The following PARD3 variants were observed in gnomAD, a reference collection of about 807,000 sequenced individuals.
PARD3 encodes par-3 family cell polarity regulator.
A neutral mutation model predicts 155.4 loss-of-function variants in PARD3; 75 were observed. That is an observed-to-expected ratio of 0.48 (90% CI 0.40 to 0.58). PARD3 has a LOEUF of 0.58. Ranked by LOEUF, PARD3 falls within the 20% of genes least tolerant of loss-of-function variation. PARD3 has a pLI of 0.00. For missense variants in PARD3, 1,642 were observed against 1,721.7 expected (o/e 0.95, Z 0.82); for synonymous variants, 576 against 610.5 (o/e 0.94, Z 0.83).
At chr10:34,516,694 T>C (rs1589846476) in intron 3 of PARD3, among the ~76,000 whole-genome samples, 1 of 152,240 alleles carries the variant, frequency 6.6e-6, no homozygotes, top group South Asian at 2.1e-4. Flanking sequence ...AGCATTCAGA[T>C]AAACATATGG....
intron 14 of PARD3, among the ~76,000 whole-genome samples, chr10:34,353,374 A>T (rs1342626203): frequency 6.6e-6 from 1 of 152,244 alleles, no homozygotes; most frequent in East Asian, 1.9e-4. Context: ...TGTACCAAGA[A>T]AAATTCTTCT....
intron 2 of PARD3, among the ~76,000 whole-genome samples, chr10:34,661,006 T>TA (rs1454897096): frequency 1.3e-5 from 2 of 152,190 alleles, no homozygotes; most frequent in Non-Finnish European, 2.9e-5. Flanking sequence ...GTTACTTTTT[T>TA]AAAAATAGAA....
At chr10:34,739,113 A>G (rs1423670932) in intron 1 of PARD3, among the ~76,000 whole-genome samples, 1 of 152,198 alleles carries the variant, frequency 6.6e-6, no homozygotes, top group Non-Finnish European at 1.5e-5. Context: ...TTTTTATTAC[A>G]TAAAATGAAG....
chr10:34,266,796 A>G (rs1230911826), intron 22 of PARD3, among the ~76,000 whole-genome samples: 1 of 152,032 alleles, frequency 6.6e-6, no homozygotes, highest in African/African-American at 2.4e-5. Context: ...CAGGGTACAG[A>G]CTCCAAGTGG....
chr10:34,599,970 A>G (rs942463234), intron 2 of PARD3, among the ~76,000 whole-genome samples: 5 of 152,126 alleles, frequency 3.3e-5, no homozygotes, highest in African/African-American at 1.2e-4. Context: ...GAACAAGACA[A>G]AGAGAGACAT....
chr10:34,386,817 CAAAAAAA>C (rs79015033), intron 7 of PARD3, among the ~76,000 whole-genome samples: 2 of 85,520 alleles, frequency 2.3e-5, no homozygotes, highest in African/African-American at 4.5e-5. Flanking sequence ...AAACTCCGTC[CAAAAAAA>C]AAAAAAAAAG....
intron 1 of PARD3, among the ~76,000 whole-genome samples, chr10:34,699,449 C>T (rs976070225): frequency 6.6e-6 from 1 of 152,152 alleles, no homozygotes; most frequent in Non-Finnish European, 1.5e-5. Flanking sequence ...GAACAGTGGT[C>T]TCTTGGGAAA....
chr10:34,157,088 T>C (rs1039902927), intron 22 of PARD3, among the ~76,000 whole-genome samples: 5 of 152,186 alleles, frequency 3.3e-5, no homozygotes, highest in Non-Finnish European at 7.3e-5. Flanking sequence ...ACCCTGAGAA[T>C]AGTTGTACAT....
chr10:34,670,982 T>G (rs940282505), intron 2 of PARD3, among the ~76,000 whole-genome samples: 1 of 152,168 alleles, frequency 6.6e-6, no homozygotes, highest in Non-Finnish European at 1.5e-5. Context: ...TTTACTAAAT[T>G]GAGACCAGAC....
intron 3 of PARD3, among the ~76,000 whole-genome samples, chr10:34,494,954 G>A (rs1278327910): frequency 6.6e-6 from 1 of 152,080 alleles, no homozygotes; most frequent in African/African-American, 2.4e-5. Flanking sequence ...GGAAGACCAA[G>A]CTCATGCTCA....
chr10:34,220,322 A>G (rs1012239963), intron 22 of PARD3, among the ~76,000 whole-genome samples: 2 of 152,168 alleles, frequency 1.3e-5, no homozygotes, highest in African/African-American at 2.4e-5. Flanking sequence ...ATAGCTTTTG[A>G]AAAAGTATGT....
intron 22 of PARD3, among the ~76,000 whole-genome samples, chr10:34,222,836 G>A (rs1232416961): frequency 2.0e-5 from 3 of 152,120 alleles, no homozygotes; most frequent in Non-Finnish European, 4.4e-5. Context: ...AAACAAAACC[G>A]CTCTCTTAAG....
intron 22 of PARD3, among the ~76,000 whole-genome samples, chr10:34,171,322 GA>G (rs1949779719): frequency 6.6e-6 from 1 of 152,140 alleles, no homozygotes. Flanking sequence ...CACACATAGA[GA>G]GAGGCTTTTG....
chr10:34,229,319 A>C (rs1415875829), intron 22 of PARD3, among the ~76,000 whole-genome samples: 1 of 152,122 alleles, frequency 6.6e-6, no homozygotes, highest in East Asian at 1.9e-4. Flanking sequence ...CCTGGGCTCA[A>C]GCAATTCTCC....
At chr10:34,326,163 T>C (rs1020362295) in intron 19 of PARD3, among the ~76,000 whole-genome samples, 6 of 151,590 alleles carry the variant, frequency 4.0e-5, no homozygotes, top group African/African-American at 1.5e-4. Flanking sequence ...ATGAGGATTC[T>C]ATCATTCAAA....
chr10:34,285,057 A>G (rs1419110885), intron 20 of PARD3, among the ~76,000 whole-genome samples: 1 of 151,976 alleles, frequency 6.6e-6, no homozygotes, highest in African/African-American at 2.4e-5. Context: ...CTGCTCTGTT[A>G]TTTTTCTCTA....
chr10:34,660,148 C>T (rs1410201395), intron 2 of PARD3, among the ~76,000 whole-genome samples: 1 of 152,148 alleles, frequency 6.6e-6, no homozygotes, highest in Non-Finnish European at 1.5e-5. Context: ...TAAACTGTAA[C>T]CTAAAATACT....
intron 3 of PARD3, among the ~76,000 whole-genome samples, chr10:34,503,531 T>C (rs907629608): frequency 6.6e-6 from 1 of 152,250 alleles, no homozygotes; most frequent in African/African-American, 2.4e-5. Flanking sequence ...CCTACGTATA[T>C]ATGTATTTGT....
chr10:34,495,235 T>A (rs1184401795), intron 3 of PARD3, among the ~76,000 whole-genome samples: 1 of 150,924 alleles, frequency 6.6e-6, no homozygotes, highest in East Asian at 1.9e-4. Flanking sequence ...TGTTCTGGCA[T>A]CCTACTGCAG....
Sources: gnomAD v4.1 joint callset for allele counts (sites outside exome capture counted in the v4.1 genomes callset) on GRCh38, gnomAD v4.1.1 for gene constraint, MANE v1.5 for transcripts, NCBI Gene and HGNC (gene_info 2026-07-23, HGNC 2026-07-21) for gene names.